Variants in CAMK1D observed in about 807,000 individuals in gnomAD.
CAMK1D encodes calcium/calmodulin-dependent protein kinase type 1D.
A neutral mutation model predicts 47.7 loss-of-function variants in CAMK1D; 9 were observed. The ratio of observed to expected loss-of-function variants is 0.19; its 90% CI spans 0.11 to 0.33. The LOEUF (loss-of-function observed/expected upper bound fraction) is 0.33, where lower values mean the gene tolerates loss of function less well. Among genes scored for constraint, CAMK1D ranks in the 10% least tolerant of loss-of-function variants. The pLI, the probability that CAMK1D is intolerant of heterozygous loss-of-function variation, is 1.00. For synonymous variants in CAMK1D, 184 were observed against 184.9 expected, an observed-to-expected ratio of 0.99 and a Z score of 0.04; for missense variants, 291 against 488.7, an observed-to-expected ratio of 0.60 and a Z score of 3.81.
chr10:12,726,821 G>C (rs1834662196), intron 3 of CAMK1D, among the ~76,000 whole-genome samples: 1 of 152,240 alleles, frequency 6.6e-6, no homozygotes, highest in Non-Finnish European at 1.5e-5. Flanking sequence ...ACATGGGACA[G>C]AGTTTTGAGT....
At chr10:12,608,651 C>T (rs1204425532) in intron 2 of CAMK1D, among the ~76,000 whole-genome samples, 2 of 152,202 alleles carry the variant, frequency 1.3e-5, no homozygotes, top group Non-Finnish European at 2.9e-5. Flanking sequence ...TAGGAACTAT[C>T]TTATTTCTTC....
At chr10:12,545,879 T>G in intron 1 of CAMK1D, among the ~76,000 whole-genome samples, 1 of 147,678 alleles carries the variant, frequency 6.8e-6, no homozygotes, top group African/African-American at 2.5e-5. Flanking sequence ...AAGGAGGGGG[T>G]GGGCAGAACT....
chr10:12,412,987 G>A (rs1839716777), intron 1 of CAMK1D, among the ~76,000 whole-genome samples: 1 of 152,172 alleles, frequency 6.6e-6, no homozygotes. Context: ...ATTCATATAG[G>A]GAGGTTCTGG....
At chr10:12,691,150 A>T (rs983503884) in intron 3 of CAMK1D, among the ~76,000 whole-genome samples, 1 of 151,796 alleles carries the variant, frequency 6.6e-6, no homozygotes, top group East Asian at 1.9e-4. Flanking sequence ...CCCTCAACTT[A>T]CTGAAGACTG....
chr10:12,670,470 G>GT (rs1182679516), intron 3 of CAMK1D, among the ~76,000 whole-genome samples: 2 of 150,522 alleles, frequency 1.3e-5, no homozygotes, highest in Admixed American at 6.6e-5. Context: ...TTGTGTTGCT[G>GT]TTTTTTTAAT....
chr10:12,804,184 T>A (rs1221092398), intron 6 of CAMK1D, among the ~76,000 whole-genome samples: 1 of 152,214 alleles, frequency 6.6e-6, no homozygotes, highest in East Asian at 1.9e-4. Context: ...TTGGTTCAAT[T>A]TTCCTTTTTC....
intron 3 of CAMK1D, among the ~76,000 whole-genome samples, chr10:12,736,296 C>T (rs900052637): frequency 2.0e-5 from 3 of 152,168 alleles, no homozygotes; most frequent in Admixed American, 6.5e-5. Context: ...ACCTTCCCCT[C>T]GGCGTCCCCA....
intron 6 of CAMK1D, among the ~76,000 whole-genome samples, chr10:12,799,332 G>A (rs1467822690): frequency 6.6e-6 from 1 of 152,134 alleles, no homozygotes; most frequent in Non-Finnish European, 1.5e-5. Context: ...GGGGTGGAGG[G>A]AGCACGACAT....
chr10:12,581,532 G>A (rs144637051), intron 2 of CAMK1D, among the ~76,000 whole-genome samples: 36 of 152,062 alleles, frequency 2.4e-4, no homozygotes, highest in African/African-American at 7.7e-4. Context: ...CCTTTTCACC[G>A]CATCCCCACC....
chr10:12,354,074 G>C (rs537395531), intron 1 of CAMK1D, among the ~76,000 whole-genome samples: 5 of 152,300 alleles, frequency 3.3e-5, no homozygotes, highest in Admixed American at 6.5e-5. Flanking sequence ...GGAAAGGCCT[G>C]GGTACTTGGC....
chr10:12,645,000 CTTT>C (rs5783281), intron 2 of CAMK1D, among the ~76,000 whole-genome samples: 2 of 149,100 alleles, frequency 1.3e-5, no homozygotes, highest in African/African-American at 2.5e-5. Flanking sequence ...GAATTTGTGA[CTTT>C]TTTTTTTTTG....
chr10:12,553,225 C>T lies in CAMK1D; in HGVS notation c.93C>T (p.Thr31=), dbSNP rs776833536. The change falls in exon 2 of 11, where the codon ACC becomes ACT. Residue 31 remains threonine (T), a splice_region_variant and synonymous_variant. Coordinates refer to ENST00000619168, the MANE Select transcript of CAMK1D (RefSeq NM_153498.4). ...TTCTTTTTTCCTTCTTTGTTCACAG[C>T]GGGGCCTTTTCCGAAGTGGTTTTAG... ...KIFEFKETLG[T]GAFSEVVLAE... The T allele has an allele frequency of 1.6e-5, 26 of 1,613,918 alleles. No individual in the cohort carries two copies. The highest frequency in any genetic ancestry group is 2.7e-5 in the African/African-American group (2 of 74,928).
chr10:12,384,487 T>C (rs1838432739), intron 1 of CAMK1D, among the ~76,000 whole-genome samples: 1 of 152,226 alleles, frequency 6.6e-6, no homozygotes, highest in Non-Finnish European at 1.5e-5. Context: ...TCCTGGTGTA[T>C]AGATCAGTGG....
intron 1 of CAMK1D, among the ~76,000 whole-genome samples, chr10:12,468,384 A>G (rs945264588): frequency 2.0e-5 from 3 of 152,204 alleles, no homozygotes; most frequent in African/African-American, 7.2e-5. Flanking sequence ...TTTAAAAGCA[A>G]TTTTAAAGTG....
intron 2 of CAMK1D, among the ~76,000 whole-genome samples, chr10:12,563,601 A>C (rs1017265321): frequency 3.3e-5 from 5 of 151,614 alleles, no homozygotes; most frequent in African/African-American, 1.2e-4. Flanking sequence ...TATCCATTAC[A>C]TTGACCAAGT....
chr10:12,733,412 T>G (rs1834983799), intron 3 of CAMK1D, among the ~76,000 whole-genome samples: 1 of 152,216 alleles, frequency 6.6e-6, no homozygotes, highest in African/African-American at 2.4e-5. Flanking sequence ...CTCCCAGGTT[T>G]CTGGCTTCGT....
At chr10:12,538,903 AAG>A (rs1189607631) in intron 1 of CAMK1D, among the ~76,000 whole-genome samples, 5 of 145,854 alleles carry the variant, frequency 3.4e-5, no homozygotes, top group Admixed American at 1.3e-4. Flanking sequence ...AAAAAAAAAA[AAG>A]AGAAAGGAAG....
In CAMK1D at chr10:12,717,380, A is replaced by G. The variant is rs150737602; in HGVS notation, c.300-43568A>G. 1.8e-3 allele frequency among the ~76,000 whole-genome samples: 271 copies of G among 152,292 alleles called. 8 individuals carry two copies. The East Asian group carries it at 0.037, about 21-fold the overall frequency. ...TAATCACCACCATTCCCAGTAATAT[A>G]TTCACTGCCAGGCAGCTTGGAGTAA... is the stretch of plus-strand genomic sequence containing the variant. On this transcript the variant is annotated intron_variant, in intron 3 of 10. Transcript: ENST00000619168.
chr10:12,698,140 A>G (rs1833369639), intron 3 of CAMK1D, among the ~76,000 whole-genome samples: 2 of 152,236 alleles, frequency 1.3e-5, no homozygotes, highest in South Asian at 4.1e-4. Context: ...CAGTGTGCCT[A>G]AACTGCAGAA....
Sources: gnomAD v4.1 joint callset for allele counts (sites outside exome capture counted in the v4.1 genomes callset) on GRCh38, gnomAD v4.1.1 for gene constraint, MANE v1.5 for transcripts, NCBI Gene and HGNC (gene_info 2026-07-23, HGNC 2026-07-21) for gene names.